TMEM44: variants seen among roughly 807,000 people sequenced by gnomAD.
The protein encoded by TMEM44 is transmembrane protein 44.
A neutral mutation model predicts 47.8 loss-of-function variants in TMEM44; 43 were observed. The observed-to-expected ratio is 0.90, with a 90% CI of 0.70 to 1.16. TMEM44 has a LOEUF of 1.16. TMEM44 is among the 50% of genes most tolerant of loss of function. TMEM44 has a pLI of 0.00. For synonymous variants in TMEM44, 277 were observed against 238.8 expected, an observed-to-expected ratio of 1.16 and a Z score of -1.48; for missense variants, 568 against 555.2, an observed-to-expected ratio of 1.02 and a Z score of -0.23.
At position 194,625,928 on chromosome 3, in the gene TMEM44, T is replaced by C. The variant is rs755853686; in HGVS notation, c.327A>G (p.Pro109=). 6.2e-6 allele frequency: 10 copies of C among 1,613,764 alleles called. No individual in the cohort carries two copies. The highest frequency in any genetic ancestry group is 7.6e-6 in the Non-Finnish European group (9 of 1,179,756). ...DLVNFMFILF[P]VCGSKFKSNS... is the part of the protein sequence containing the mutation. Reference sequence around the variant, plus strand: ...TAGACTTGAATTTGGATCCACAGACTGGGAAGAGAATGAACATAAAGTTCA... The same window carrying C: ...TAGACTTGAATTTGGATCCACAGACCGGGAAGAGAATGAACATAAAGTTCA... The change falls in exon 3 of 10, where the codon CCA becomes CCG. Residue 109 remains proline (P), a synonymous_variant. Coordinates refer to ENST00000347147, the MANE Select transcript of TMEM44 (RefSeq NM_001011655.3).
chr3:194,620,520 G>T, intron 5 of TMEM44, among the ~76,000 whole-genome samples: 1 of 152,176 alleles, frequency 6.6e-6, no homozygotes, highest in Non-Finnish European at 1.5e-5. Flanking sequence ...AATGCAGTGG[G>T]AAATGACACA....
intron 1 of TMEM44, among the ~76,000 whole-genome samples, chr3:194,629,505 G>C (rs1172954734): frequency 6.6e-6 from 1 of 152,206 alleles, no homozygotes; most frequent in African/African-American, 2.4e-5. Context: ...ATACGTTGTT[G>C]TACATGCCTC....
intron 9 of TMEM44, among the ~76,000 whole-genome samples, chr3:194,594,155 CTATCTATCTA>C (rs1211841578): frequency 6.6e-6 from 1 of 151,020 alleles, no homozygotes; most frequent in African/African-American, 2.5e-5. Flanking sequence ...ATCTATCTAT[CTATCTATCTA>C]TATCTATCTA....
At chr3:194,610,753 A>G (rs990991486) in intron 8 of TMEM44, among the ~76,000 whole-genome samples, 163 bp downstream of exon 8, 2 of 152,074 alleles carry the variant, frequency 1.3e-5, no homozygotes, top group Admixed American at 6.5e-5. Flanking sequence ...ACACTCCCCC[A>G]TATCTGCCCC....
intron 8 of TMEM44, 140 bp downstream of exon 8, chr3:194,610,776 T>C: frequency 1.4e-6 from 1 of 726,072 alleles, no homozygotes; most frequent in Non-Finnish European, 2.3e-6. Context: ...CACTGCAGCC[T>C]TGGACAGCTC....
At chr3:194,622,662 C>G (rs1716685088) in intron 5 of TMEM44, 1 of 152,362 alleles carries the variant, frequency 6.6e-6, no homozygotes, top group East Asian at 1.9e-4. Flanking sequence ...CGATTCTCCA[C>G]CTCAGCCTCC....
At chr3:194,609,708 C>A (rs1378064995) in intron 8 of TMEM44, among the ~76,000 whole-genome samples, 1 of 152,010 alleles carries the variant, frequency 6.6e-6, no homozygotes, top group Non-Finnish European at 1.5e-5. Context: ...CCCTCCAGCG[C>A]TCCACTTCCC....
At chr3:194,620,171 G>C (rs138088551) in intron 5 of TMEM44, among the ~76,000 whole-genome samples, 220 of 151,434 alleles carry the variant, frequency 1.5e-3, no homozygotes, top group African/African-American at 5.1e-3. Context: ...CATGCCTGTA[G>C]TCCCAGCTAC....
At chr3:194,610,829 TC>T (rs1245492859) in intron 8 of TMEM44, 86 bp downstream of exon 8, 1 of 1,176,034 alleles carries the variant, frequency 8.5e-7, no homozygotes, top group African/African-American at 1.5e-5. Context: ...TGCTCATCCC[TC>T]AGCTAAAGCA....
Position 194,610,931 on chromosome 3 carries a change from G to A in TMEM44, c.1002C>T (p.Ile334=), listed in dbSNP as rs141157074. 9.3e-5 allele frequency: 150 copies of A among 1,613,332 alleles called. No individual in the cohort carries two copies. The highest frequency in any genetic ancestry group is 7.2e-4 in the Admixed American group (43 of 59,962). ...TAISRYMELT[I]EPVQQAGCSA... ...GGCCACTCACCTGCTGCACAGGCTC[G>A]ATGGTCAGCTCCATGTAGCGACTGA... The change falls in exon 8 of 10, where the codon ATC becomes ATT. Residue 334 remains isoleucine (I), a synonymous_variant. Transcript: ENST00000347147.
At chr3:194,612,010 ACTC>A (rs1715373863) in intron 7 of TMEM44, among the ~76,000 whole-genome samples, 1 of 144,944 alleles carries the variant, frequency 6.9e-6, no homozygotes, top group African/African-American at 2.6e-5. Flanking sequence ...CAACAGTGAG[ACTC>A]CGTCTCAAAA....
intron 1 of TMEM44, 88 bp downstream of exon 1, chr3:194,632,990 GC>G: frequency 1.3e-6 from 2 of 1,484,142 alleles, no homozygotes; most frequent in Non-Finnish European, 1.8e-6. Flanking sequence ...CCCCCTTTCC[GC>G]CCCCTCCTCT....
Position 194,616,752 on chromosome 3 carries a change from A to G in TMEM44, c.783+347T>C, listed in dbSNP as rs2898599. On this transcript the variant is annotated intron_variant, in intron 6 of 9. Coordinates refer to ENST00000347147, the MANE Select transcript of TMEM44 (RefSeq NM_001011655.3). ...CCACTAAAAATAACAAAAATTAGCC[A>G]GACGTGTTGGCATGCACCTGTAGTC... 1.3e-5 allele frequency: 5 copies of G among 399,108 alleles called. No homozygotes were observed. In the Admixed American group the frequency reaches 1.6e-4, roughly 13 times the overall value. 24.7% of individuals were successfully genotyped at this position (399,108 alleles called of 1,614,324 possible).
chr3:194,630,469 C>T (rs1382897902), intron 1 of TMEM44, among the ~76,000 whole-genome samples: 16 of 27,530 alleles, frequency 5.8e-4, no homozygotes, highest in Non-Finnish European at 1.0e-3. Flanking sequence ...TTTCCATCGG[C>T]GTCACTGATA....
At chr3:194,626,861 T>C (rs1483684134) in intron 2 of TMEM44, among the ~76,000 whole-genome samples, 1 of 149,888 alleles carries the variant, frequency 6.7e-6, no homozygotes, top group Non-Finnish European at 1.5e-5. Context: ...TTTTTTTTTG[T>C]ATTTTTAGTA....
intron 6 of TMEM44, chr3:194,616,556 GCCACTAGCAGCTCCTGCAGCT>G (rs1560184329): frequency 2.2e-6 from 1 of 456,772 alleles, no homozygotes; most frequent in Middle Eastern, 3.3e-4. Flanking sequence ...GACACCAGGA[GCCACTAGCAGCTCCTGCAGCT>G]CCACTGGCAG....
rs1444149513 is a variant in TMEM44, at chr3:194,633,347, G to A, written c.-132C>T. 1 of 338,240 alleles carries A rather than the reference G, an allele frequency of 3.0e-6. No homozygotes were observed. Among genetic ancestry groups the A allele is most frequent in the Non-Finnish European group, 4.2e-6 (1 of 236,468 alleles). 21.0% of individuals were successfully genotyped at this position (338,240 alleles called of 1,614,324 possible). The stretch of plus-strand genomic sequence containing the variant: ...TCCGCCGCGGCGCCTCCGGCCGAGC[G>A]CACCGACCGCGGGCAGAGAAGGGCG... On this transcript the variant is annotated 5_prime_UTR_variant, in exon 1 of 10. Coordinates refer to ENST00000347147, the MANE Select transcript of TMEM44 (RefSeq NM_001011655.3).
intron 7 of TMEM44, among the ~76,000 whole-genome samples, chr3:194,614,023 G>A (rs1020237926): frequency 1.3e-5 from 2 of 151,996 alleles, no homozygotes; most frequent in African/African-American, 4.8e-5. Flanking sequence ...TTGGGAGGCT[G>A]AGGCAGGAGA....
At chr3:194,594,159 C>CTATCTA (rs1313596127) in intron 9 of TMEM44, among the ~76,000 whole-genome samples, 3 of 150,988 alleles carry the variant, frequency 2.0e-5, no homozygotes, top group African/African-American at 7.3e-5. Context: ...ATCTATCTAT[C>CTATCTA]TATCTATATC....
Sources: gnomAD v4.1 joint callset for allele counts (sites outside exome capture counted in the v4.1 genomes callset) on GRCh38, gnomAD v4.1.1 for gene constraint, MANE v1.5 for transcripts, NCBI Gene and HGNC (gene_info 2026-07-23, HGNC 2026-07-21) for gene names.